OIP5: variants seen among roughly 807,000 people sequenced by gnomAD.
OIP5 encodes Opa interacting protein 5.
A neutral mutation model predicts 20.3 loss-of-function variants in OIP5; 24 were observed. That is an observed-to-expected ratio of 1.18 (90% CI 0.86 to 1.66). The LOEUF (loss-of-function observed/expected upper bound fraction) is 1.66, where lower values mean the gene tolerates loss of function less well. Among genes scored for constraint, OIP5 ranks in the 40% most tolerant of loss-of-function variants. OIP5 has a pLI of 0.00. For missense variants in OIP5, 339 were observed against 289.5 expected, an observed-to-expected ratio of 1.17 and a Z score of -1.24; for synonymous variants, 143 against 121.3, an observed-to-expected ratio of 1.18 and a Z score of -1.17.
chr15:41,320,991 G>A (rs1261648686), intron 2 of OIP5, among the ~76,000 whole-genome samples: 3 of 151,678 alleles, frequency 2.0e-5, no homozygotes, highest in African/African-American at 7.3e-5. Flanking sequence ...CCTGGGAGGT[G>A]AGGAGCGTCT....
rs2047741810 is a variant in OIP5, at chr15:41,309,695, C to G, written c.*59G>C. On this transcript the variant is annotated 3_prime_UTR_variant, in exon 5 of 5. Coordinates refer to ENST00000220514, the MANE Select transcript of OIP5 (RefSeq NM_007280.2). ...TCTTTTTCAAGAAATGACTAAGCAG[C>G]ACCTGTTGTTGAAGACAGCAATAAA... The G allele has an allele frequency of 5.9e-5, 63 of 1,074,720 alleles. No individual in the cohort carries two copies. In the South Asian group the frequency reaches 8.4e-4, roughly 14 times the overall value. The allele number at this position is 1,074,720 out of a possible 1,614,324, so 66.6% of individuals were successfully genotyped here.
intron 3 of OIP5, among the ~76,000 whole-genome samples, chr15:41,318,306 C>T (rs1316032735): frequency 2.6e-5 from 4 of 152,138 alleles, no homozygotes; most frequent in African/African-American, 4.8e-5. Context: ...CGACCACAGG[C>T]GTGTGCCACC....
At chr15:41,316,789 C>CAA (rs11385589) in intron 3 of OIP5, among the ~76,000 whole-genome samples, 2,233 of 61,374 alleles carry the variant, frequency 0.036, 123 homozygotes, top group African/African-American at 0.095. Flanking sequence ...GACTCCATCT[C>CAA]AAAAAAAAAA....
At chr15:41,322,538 A>G (rs1298830015) in intron 2 of OIP5, among the ~76,000 whole-genome samples, 1 of 152,174 alleles carries the variant, frequency 6.6e-6, no homozygotes, top group South Asian at 2.1e-4. Context: ...CTGGGACTAC[A>G]GGTGCATGCT....
Position 41,309,827 on chromosome 15 carries a change from G to A in OIP5, c.617C>T (p.Thr206Met), listed in dbSNP as rs777709218. 3.6e-5 allele frequency: 58 copies of A among 1,611,950 alleles called. 1 individual carries two copies. Among genetic ancestry groups the A allele is most frequent in the African/African-American group, 2.3e-4 (17 of 74,898 alleles). ...IAELKEKIVLTHNRLKSLMKI... is the reference protein window; with the variant it reads ...IAELKEKIVLMHNRLKSLMKI... ...CATTAGTGATTTTAAGCGATTGTGC[G>A]TTAGCACTATCTTCTCTTTCAGCTA... is the stretch of plus-strand genomic sequence containing the variant. The change falls in exon 5 of 5, where the codon ACG becomes ATG. Residue 206 changes from threonine to methionine, a missense_variant. Physicochemically the swap from Thr to Met is moderately conservative, Grantham distance 81 (BLOSUM62 -1). Transcript: ENST00000220514.
At chr15:41,310,493 G>A (rs1168691250) in intron 4 of OIP5, among the ~76,000 whole-genome samples, 1 of 152,108 alleles carries the variant, frequency 6.6e-6, no homozygotes, top group African/African-American at 2.4e-5. Context: ...AGCTGGGCAC[G>A]GTGGCGGGCG....
chr15:41,329,899 A>G (rs944727044), intron 2 of OIP5, among the ~76,000 whole-genome samples: 25 of 151,686 alleles, frequency 1.6e-4, no homozygotes, highest in African/African-American at 4.6e-4. Context: ...CAGTTTCACT[A>G]TCTTGGCTAG....
intron 4 of OIP5, among the ~76,000 whole-genome samples, chr15:41,310,567 T>C (rs2047747677): frequency 6.7e-6 from 1 of 150,002 alleles, no homozygotes; most frequent in Non-Finnish European, 1.5e-5. Flanking sequence ...AGGCAGAGCT[T>C]GCAGTGAGCC....
intron 4 of OIP5, among the ~76,000 whole-genome samples, chr15:41,311,731 G>T (rs567509753): frequency 6.6e-6 from 1 of 151,766 alleles, no homozygotes; most frequent in African/African-American, 2.4e-5. Flanking sequence ...CTGCCACTGC[G>T]CCTGGCTAAT....
chr15:41,319,881 G>T, intron 2 of OIP5, 101 bp from the exon 3 acceptor site: 1 of 911,170 alleles, frequency 1.1e-6, no homozygotes. Flanking sequence ...AAGTCAGGGT[G>T]AAAATTACAT....
chr15:41,329,497 G>A (rs952432089), intron 2 of OIP5, among the ~76,000 whole-genome samples: 1 of 151,592 alleles, frequency 6.6e-6, no homozygotes, highest in African/African-American at 2.4e-5. Flanking sequence ...TGTACTTTTA[G>A]TAGAGACGTG....
At position 41,319,698 on chromosome 15, in the gene OIP5, A is replaced by G; in HGVS notation, c.472T>C (p.Leu158=). 1.2e-6 allele frequency: 2 copies of G among 1,614,004 alleles called. No individual in the cohort carries two copies. The highest frequency in any genetic ancestry group is 1.7e-6 in the Non-Finnish European group (2 of 1,179,890). ...LYSTHAALAA[L]RGHFCLSSDK... Reference sequence around the variant, plus strand: ...CTGGAAAGGCAGAAGTGACCTCTCAAGGCAGCCAGGGCAGCATGGGTAGAA... The same window carrying G: ...CTGGAAAGGCAGAAGTGACCTCTCAGGGCAGCCAGGGCAGCATGGGTAGAA... Residue 158 remains leucine, a synonymous_variant, in exon 3 of 5, where the codon TTG becomes CTG. Coordinates refer to ENST00000220514, the MANE Select transcript of OIP5 (RefSeq NM_007280.2).
Position 41,332,224 on chromosome 15 carries a change from G to C in OIP5, c.322+16C>G. The C allele has an allele frequency of 5.2e-6, 8 of 1,529,162 alleles. No homozygotes were observed. The highest frequency in any genetic ancestry group is 7.0e-6 in the Non-Finnish European group (8 of 1,140,338). 94.7% of individuals were successfully genotyped at this position (1,529,162 alleles called of 1,614,324 possible). A position where few individuals can be genotyped will look rare whatever the true frequency, so the allele number is the denominator to read the frequency against. Reference sequence around the variant, plus strand: ...GGGCTAGCCTCTGCCTTTCCCGAACGCTTCACTGCACTCACTGGAGAAGAC... The same window carrying C: ...GGGCTAGCCTCTGCCTTTCCCGAACCCTTCACTGCACTCACTGGAGAAGAC... On this transcript the variant is annotated intron_variant, in intron 1 of 4. Transcript: ENST00000220514.
intron 2 of OIP5, among the ~76,000 whole-genome samples, chr15:41,321,031 GGA>G (rs945289329): frequency 2.3e-4 from 34 of 150,794 alleles, no homozygotes; most frequent in African/African-American, 8.1e-4. Context: ...TGAGAAGTGA[GGA>G]GACCCTCCGC....
In OIP5 at chr15:41,311,946, C is replaced by G. The variant is rs1417447300; in HGVS notation, c.594+1327G>C. 5.7e-4 allele frequency among the ~76,000 whole-genome samples: 81 copies of G among 142,708 alleles called. 8 individuals carry two copies. The highest frequency in any genetic ancestry group is 7.0e-3 in the Middle Eastern group (2 of 286). The allele number at this position is 142,708 out of a possible 152,430, so 93.6% of individuals were successfully genotyped here. A position where few individuals can be genotyped will look rare whatever the true frequency, so the allele number is the denominator to read the frequency against. On this transcript the variant is annotated intron_variant, in intron 4 of 4. Transcript: ENST00000220514. ...CTCGGCTCACTGCAACCTCTGCCTC[C>G]CAGGTTCAAGCGATTCTCCTGCCTC... is the stretch of plus-strand genomic sequence containing the variant.
At chr15:41,321,920 T>C (rs1314548046) in intron 2 of OIP5, among the ~76,000 whole-genome samples, 1 of 129,518 alleles carries the variant, frequency 7.7e-6, no homozygotes, top group Non-Finnish European at 1.6e-5. Flanking sequence ...GAATGATCAA[T>C]AAAAAAATAA....
chr15:41,313,550 A>G (rs1347042194), intron 3 of OIP5, among the ~76,000 whole-genome samples, 196 bp from the exon 4 acceptor site: 2 of 152,160 alleles, frequency 1.3e-5, no homozygotes, highest in Non-Finnish European at 2.9e-5. Flanking sequence ...ACCACAGACT[A>G]AAAATATTCA....
At chr15:41,325,656 G>A (rs2047857115) in intron 2 of OIP5, among the ~76,000 whole-genome samples, 1 of 151,480 alleles carries the variant, frequency 6.6e-6, no homozygotes, top group Non-Finnish European at 1.5e-5. Context: ...TTCAGGACCA[G>A]CCTGGCAAAC....
At chr15:41,318,628 AT>A (rs2047803300) in intron 3 of OIP5, among the ~76,000 whole-genome samples, 1 of 151,846 alleles carries the variant, frequency 6.6e-6, no homozygotes, top group Non-Finnish European at 1.5e-5. Flanking sequence ...TACCCTCTGA[AT>A]TTTCCCATGG....
Sources: gnomAD v4.1 joint callset for allele counts (sites outside exome capture counted in the v4.1 genomes callset) on GRCh38, gnomAD v4.1.1 for gene constraint, MANE v1.5 for transcripts, NCBI Gene and HGNC (gene_info 2026-07-23, HGNC 2026-07-21) for gene names.